The following EVA1C variants were observed in gnomAD, a reference collection of about 807,000 sequenced individuals.
The protein encoded by EVA1C is eva-1 homolog C.
EVA1C carries 25 observed loss-of-function variants against 45.4 expected under a neutral mutation model. That is an observed-to-expected ratio of 0.55 (90% CI 0.40 to 0.77). The LOEUF is 0.77. Among genes scored for constraint, EVA1C ranks in the 30% least tolerant of loss-of-function variants. EVA1C has a pLI of 0.00. For missense variants in EVA1C, 479 were observed against 554.8 expected, an observed-to-expected ratio of 0.86 and a Z score of 1.37; for synonymous variants, 190 against 221.2, an observed-to-expected ratio of 0.86 and a Z score of 1.25.
chr21:32,490,414 C>A (rs534839695), intron 4 of EVA1C, among the ~76,000 whole-genome samples: 9 of 152,038 alleles, frequency 5.9e-5, no homozygotes, highest in African/African-American at 9.7e-5. Context: ...TCTTAGGAGT[C>A]GGACTTGGTC....
intron 1 of EVA1C, among the ~76,000 whole-genome samples, chr21:32,429,482 T>C (rs1601228572): frequency 1.3e-5 from 2 of 151,894 alleles, no homozygotes; most frequent in African/African-American, 4.8e-5. Context: ...GCCTCCTGAG[T>C]AGCTGGGATT....
At chr21:32,460,375 C>CT (rs2035954726) in intron 3 of EVA1C, among the ~76,000 whole-genome samples, 1 of 152,228 alleles carries the variant, frequency 6.6e-6, no homozygotes, top group African/African-American at 2.4e-5. Flanking sequence ...CCACCCCTCT[C>CT]TATCACAGCA....
chr21:32,457,030 T>A (rs1351886589), intron 2 of EVA1C, among the ~76,000 whole-genome samples: 1 of 152,224 alleles, frequency 6.6e-6, no homozygotes, highest in Non-Finnish European at 1.5e-5. Flanking sequence ...CCTCTTGAGT[T>A]TGATGAGGGT....
At chr21:32,437,863 A>G (rs1377393523) in intron 1 of EVA1C, among the ~76,000 whole-genome samples, 1 of 152,154 alleles carries the variant, frequency 6.6e-6, no homozygotes, top group Admixed American at 6.5e-5. Context: ...TTGGTGACGA[A>G]TGAGGGAGGA....
intron 6 of EVA1C, among the ~76,000 whole-genome samples, chr21:32,502,004 C>CTT (rs1410486464): frequency 1.1e-5 from 1 of 89,754 alleles, no homozygotes; most frequent in African/African-American, 4.6e-5. Context: ...TTCTTTCTTT[C>CTT]TTTCTTTCTT....
intron 2 of EVA1C, among the ~76,000 whole-genome samples, chr21:32,455,923 A>C (rs2035762335): frequency 6.6e-6 from 1 of 151,682 alleles, no homozygotes; most frequent in Admixed American, 6.6e-5. Context: ...ACGGAGTTTC[A>C]CTCTTGTTGC....
chr21:32,487,055 T>C (rs886801964), intron 4 of EVA1C, among the ~76,000 whole-genome samples: 3 of 152,258 alleles, frequency 2.0e-5, no homozygotes, highest in Non-Finnish European at 4.4e-5. Flanking sequence ...TCTTTTGTTA[T>C]AATATTTAGA....
intron 1 of EVA1C, among the ~76,000 whole-genome samples, chr21:32,438,447 A>C (rs1385873336): frequency 7.3e-6 from 1 of 137,768 alleles, no homozygotes; most frequent in Admixed American, 8.3e-5. Context: ...CAATCATGCC[A>C]CTGCACTCCA....
rs749992032 is a variant in EVA1C at position 32,467,817 on chromosome 21, C to T, written c.603C>T (p.Cys201=). Residue 201 remains cysteine (C), a synonymous_variant, in exon 4 of 8, where the codon TGC becomes TGT. Transcript: ENST00000300255. ...YGRRTQERDI[C]SSKAERLPPF... is the part of the protein sequence containing the mutation. Reference sequence around the variant, plus strand: ...GGAGGACCCAGGAAAGGGACATCTGCTCCTCCAAGGCAGAGCGGCTCCCCC... The same window carrying T: ...GGAGGACCCAGGAAAGGGACATCTGTTCCTCCAAGGCAGAGCGGCTCCCCC... 1 of 1,612,770 alleles carries T rather than the reference C, an allele frequency of 6.2e-7. No homozygotes were observed. The highest frequency in any genetic ancestry group is 1.1e-5 in the South Asian group (1 of 90,822).
intron 1 of EVA1C, among the ~76,000 whole-genome samples, chr21:32,424,284 C>G (rs73190656): frequency 6.6e-6 from 1 of 152,048 alleles, no homozygotes; most frequent in Non-Finnish European, 1.5e-5. Context: ...CATAAATCAT[C>G]GTACTGTACT....
intron 3 of EVA1C, among the ~76,000 whole-genome samples, chr21:32,458,871 C>T (rs2833840): frequency 0.43 from 65,303 of 151,820 alleles, 14,815 homozygotes; most frequent in African/African-American, 0.55. Context: ...CGCCCTGGTT[C>T]CCCGAGACCC....
At chr21:32,462,649 G>A (rs1338305335) in intron 3 of EVA1C, among the ~76,000 whole-genome samples, 1 of 152,212 alleles carries the variant, frequency 6.6e-6, no homozygotes, top group African/African-American at 2.4e-5. Flanking sequence ...TGATGCCCAT[G>A]CTGGAAGGTT....
intron 1 of EVA1C, among the ~76,000 whole-genome samples, chr21:32,451,098 C>A (rs766024648): frequency 6.6e-6 from 1 of 152,178 alleles, no homozygotes; most frequent in Non-Finnish European, 1.5e-5. Flanking sequence ...GCTGGCTCAG[C>A]CCCTTTGACT....
intron 1 of EVA1C, among the ~76,000 whole-genome samples, chr21:32,444,710 T>C (rs1338841453): frequency 2.6e-5 from 4 of 152,160 alleles, no homozygotes; most frequent in Admixed American, 2.6e-4. Flanking sequence ...TCCCTGGAAG[T>C]TGGGGTTGGG....
intron 3 of EVA1C, among the ~76,000 whole-genome samples, chr21:32,463,144 G>A (rs781452744): frequency 2.0e-5 from 3 of 152,144 alleles, no homozygotes; most frequent in Non-Finnish European, 1.5e-5. Context: ...AAATAATCGC[G>A]GTTTTTGCCC....
intron 4 of EVA1C, among the ~76,000 whole-genome samples, chr21:32,490,828 G>A (rs368464900): frequency 8.5e-5 from 13 of 152,108 alleles, no homozygotes; most frequent in Non-Finnish European, 1.5e-4. Flanking sequence ...CTTTCTTCCC[G>A]TGAGCAGCTA....
At chr21:32,448,625 G>A (rs2035450099) in intron 1 of EVA1C, among the ~76,000 whole-genome samples, 1 of 151,998 alleles carries the variant, frequency 6.6e-6, no homozygotes, top group African/African-American at 2.4e-5. Flanking sequence ...AAATGGAGAA[G>A]AGGCCAGGCA....
At chr21:32,478,860 C>A (rs928122278) in intron 4 of EVA1C, among the ~76,000 whole-genome samples, 1 of 152,264 alleles carries the variant, frequency 6.6e-6, no homozygotes, top group Non-Finnish European at 1.5e-5. Context: ...AGAAAAACCA[C>A]ACAATAGGCC....
chr21:32,440,314 G>T (rs543311689), intron 1 of EVA1C, among the ~76,000 whole-genome samples: 44 of 152,278 alleles, frequency 2.9e-4, no homozygotes, highest in Admixed American at 1.4e-3. Flanking sequence ...GCTGTGTCCC[G>T]AAGAAAAGAA....
Sources: allele counts gnomAD v4.1 joint callset (sites outside exome capture counted in the v4.1 genomes callset), GRCh38; gene constraint gnomAD v4.1.1; transcripts MANE v1.5; gene names NCBI Gene and HGNC (gene_info 2026-07-23, HGNC 2026-07-21).